ADAM22: variants seen among roughly 807,000 people sequenced by gnomAD.
The protein encoded by ADAM22 is disintegrin and metalloproteinase domain-containing protein 22.
In ADAM22, 65 loss-of-function variants were observed where a neutral mutation model predicts 144.6. That is an observed-to-expected ratio of 0.45 (90% CI 0.37 to 0.55). ADAM22 has a LOEUF of 0.55. Ranked by LOEUF, ADAM22 falls within the 20% of genes least tolerant of loss-of-function variation. The pLI is 0.00. For missense variants in ADAM22, 974 were observed against 1,184.9 expected (o/e 0.82, Z 2.61); for synonymous variants, 391 against 412.6 (o/e 0.95, Z 0.63).
intron 21 of ADAM22, among the ~76,000 whole-genome samples, chr7:88,154,221 T>C (rs902294315): frequency 2.0e-5 from 3 of 152,196 alleles, no homozygotes; most frequent in African/African-American, 7.2e-5. Flanking sequence ...TCTTCACCAT[T>C]TTGCTGAATG....
chr7:88,027,804 A>AC (rs1799351899), intron 3 of ADAM22, among the ~76,000 whole-genome samples: 1 of 144,712 alleles, frequency 6.9e-6, no homozygotes, highest in Non-Finnish European at 1.5e-5. Flanking sequence ...GAGCTTTTCT[A>AC]CCTTTTTTTT....
intron 3 of ADAM22, among the ~76,000 whole-genome samples, chr7:88,055,058 G>T (rs539422453): frequency 2.0e-5 from 3 of 152,084 alleles, no homozygotes; most frequent in African/African-American, 7.2e-5. Flanking sequence ...ATGTACAGGG[G>T]TTTTATAATG....
intron 29 of ADAM22, chr7:88,186,307 G>A (rs1010673700): frequency 6.7e-6 from 2 of 298,326 alleles, no homozygotes; most frequent in Admixed American, 1.1e-4. Context: ...TTAGAGGTGG[G>A]TGAATGGGAC....
chr7:87,975,059 G>A (rs931166785), intron 2 of ADAM22, among the ~76,000 whole-genome samples: 1 of 152,108 alleles, frequency 6.6e-6, no homozygotes, highest in Non-Finnish European at 1.5e-5. Flanking sequence ...TTCCATGTGA[G>A]GTAACATGTT....
At chr7:88,085,943 G>A (rs1009294133) in intron 4 of ADAM22, among the ~76,000 whole-genome samples, 4 of 152,270 alleles carry the variant, frequency 2.6e-5, no homozygotes, top group African/African-American at 4.8e-5. Flanking sequence ...TTGGGAGGCC[G>A]AAGCAGGGGG....
At chr7:88,028,626 G>A (rs1367772014) in intron 3 of ADAM22, among the ~76,000 whole-genome samples, 2 of 151,716 alleles carry the variant, frequency 1.3e-5, no homozygotes, top group African/African-American at 4.8e-5. Context: ...TCTGTCTTTA[G>A]CTCTAATATA....
chr7:88,120,278 T>C (rs1828934822), intron 7 of ADAM22, among the ~76,000 whole-genome samples: 1 of 152,152 alleles, frequency 6.6e-6, no homozygotes, highest in African/African-American at 2.4e-5. Context: ...GCTGCACCCA[T>C]TAACTGGTCA....
intron 2 of ADAM22, among the ~76,000 whole-genome samples, chr7:87,957,600 G>A (rs1474195188): frequency 6.6e-6 from 1 of 151,760 alleles, no homozygotes; most frequent in Non-Finnish European, 1.5e-5. Flanking sequence ...TTTTTATTGA[G>A]ATGGAGTTTC....
At chr7:88,130,259 T>A in intron 9 of ADAM22, 129 bp from the exon 10 acceptor site, 1 of 700,624 alleles carries the variant, frequency 1.4e-6, no homozygotes, top group South Asian at 2.1e-5. Context: ...AGACAACACA[T>A]TTTTACAGAA....
Position 88,200,322 on chromosome 7 carries a change from A to G in ADAM22, c.*3831A>G, listed in dbSNP as rs1851099234. On this transcript the variant is annotated 3_prime_UTR_variant, in exon 32 of 32. Coordinates refer to ENST00000413139, the MANE Select transcript of ADAM22 (RefSeq NM_001324418.2). ...TCTAAAGAAAAGATTATTTTACTTTATTTTACTTAAAGGAAAGAGAATTTA... is the reference window on the plus strand; with the variant it reads ...TCTAAAGAAAAGATTATTTTACTTTGTTTTACTTAAAGGAAAGAGAATTTA... 6.6e-6 allele frequency: 1 copy of G among 152,224 alleles called. No homozygotes were observed. The highest frequency in any genetic ancestry group is 1.5e-5 in the Non-Finnish European group (1 of 68,044). 9.4% of individuals were successfully genotyped at this position (152,224 alleles called of 1,614,324 possible). A position where few individuals can be genotyped will look rare whatever the true frequency, so the allele number is the denominator to read the frequency against.
chr7:88,082,359 T>C (rs998528874), intron 4 of ADAM22, among the ~76,000 whole-genome samples: 2 of 152,154 alleles, frequency 1.3e-5, no homozygotes, highest in African/African-American at 2.4e-5. Context: ...AAGACTTAAA[T>C]GTTACACCTA....
chr7:87,951,404 T>C (rs1376181458), intron 2 of ADAM22, among the ~76,000 whole-genome samples: 1 of 107,608 alleles, frequency 9.3e-6, no homozygotes, highest in Admixed American at 8.4e-5. Flanking sequence ...GGAATCCTTT[T>C]CCCCATTGCT....
chr7:88,145,541 AAAGGACAT>A, intron 17 of ADAM22, 34 bp downstream of exon 17: 1 of 1,520,444 alleles, frequency 6.6e-7, no homozygotes, highest in South Asian at 1.1e-5. Flanking sequence ...TGACAGAAAA[AAAGGACAT>A]ACTTGATTAA....
At chr7:87,982,062 TATATATACACACACAC>T (rs1317344081) in intron 3 of ADAM22, among the ~76,000 whole-genome samples, 1 of 108,860 alleles carries the variant, frequency 9.2e-6, no homozygotes, top group Non-Finnish European at 1.8e-5. Flanking sequence ...TATATATATA[TATATATACACACACAC>T]ACACACACAC....
At chr7:88,136,612 A>G (rs541366604) in intron 14 of ADAM22, among the ~76,000 whole-genome samples, 24 of 152,018 alleles carry the variant, frequency 1.6e-4, no homozygotes, top group African/African-American at 5.8e-4. Flanking sequence ...TAAATTTTAC[A>G]GTTATTCCTT....
rs542028178 is a variant in ADAM22 at position 88,200,043 on chromosome 7, C to T, written c.*3552C>T. The T allele has an allele frequency of 1.3e-5, 2 of 152,272 alleles. No individual in the cohort carries two copies. The highest frequency in any genetic ancestry group is 3.9e-4 in the East Asian group (2 of 5,182). 9.4% of individuals were successfully genotyped at this position (152,272 alleles called of 1,614,324 possible). The stretch of plus-strand genomic sequence containing the variant: ...CCTTGCATATCTACATAATTTAATC[C>T]TGTCTATTGTCCCAGATCTCTTGTG... On this transcript the variant is annotated 3_prime_UTR_variant, in exon 32 of 32. Coordinates refer to ENST00000413139, the MANE Select transcript of ADAM22 (RefSeq NM_001324418.2).
At chr7:88,145,055 C>T in intron 15 of ADAM22, 70 bp from the exon 16 acceptor site, 1 of 1,397,448 alleles carries the variant, frequency 7.2e-7, no homozygotes, top group Middle Eastern at 1.8e-4. Flanking sequence ...GGGTATGGCA[C>T]TTATGGTCTC....
intron 3 of ADAM22, 42 bp downstream of exon 3, chr7:87,978,454 A>G (rs1166505629): frequency 6.5e-7 from 1 of 1,549,876 alleles, no homozygotes; most frequent in Non-Finnish European, 8.9e-7. Context: ...ATACACATTG[A>G]ATCCACTTTA....
intron 3 of ADAM22, among the ~76,000 whole-genome samples, chr7:88,033,891 C>T (rs1416924562): frequency 1.3e-5 from 2 of 152,004 alleles, no homozygotes; most frequent in East Asian, 3.9e-4. Context: ...AGGGGCTCTT[C>T]AGTCAGTTTG....
Sources: gnomAD v4.1 joint callset for allele counts (sites outside exome capture counted in the v4.1 genomes callset) on GRCh38, gnomAD v4.1.1 for gene constraint, MANE v1.5 for transcripts, NCBI Gene and HGNC (gene_info 2026-07-23, HGNC 2026-07-21) for gene names.